The following RAB18 variants were observed in gnomAD, a reference collection of about 807,000 sequenced individuals.
The protein encoded by RAB18 is RAB18, member RAS oncogene family.
Under a neutral mutation model 28.5 loss-of-function variants are expected in RAB18, and 10 were observed. The observed-to-expected ratio is 0.35, with a 90% CI of 0.22 to 0.60. RAB18 has a LOEUF of 0.60. Among genes scored for constraint, RAB18 ranks in the 20% least tolerant of loss-of-function variants. RAB18 has a pLI of 0.78. For synonymous variants in RAB18, 93 were observed against 86.9 expected, an observed-to-expected ratio of 1.07 and a Z score of -0.39; for missense variants, 188 against 244.2, an observed-to-expected ratio of 0.77 and a Z score of 1.53.
chr10:27,535,320 ATTC>A (rs989411032), intron 6 of RAB18, among the ~76,000 whole-genome samples: 29 of 152,242 alleles, frequency 1.9e-4, no homozygotes, highest in African/African-American at 4.3e-4. Flanking sequence ...GCCCAAGACT[ATTC>A]TTCTTCTTCT....
intron 2 of RAB18, among the ~76,000 whole-genome samples, chr10:27,521,368 G>A (rs554608382): frequency 3.9e-5 from 6 of 152,130 alleles, no homozygotes; most frequent in African/African-American, 1.2e-4. Flanking sequence ...TAAAATCTCC[G>A]ACTGTTTATC....
chr10:27,541,149 C>T lies in RAB18; in HGVS notation c.*3098C>T. 2.2e-6 allele frequency: 1 copy of T among 453,766 alleles called. No homozygotes were observed. The highest frequency in any genetic ancestry group is 4.4e-6 in the Non-Finnish European group (1 of 226,734). 28.1% of individuals were successfully genotyped at this position (453,766 alleles called of 1,614,324 possible). A position where few individuals can be genotyped will look rare whatever the true frequency, so the allele number is the denominator to read the frequency against. ...AGTTATTTTGTCTTTCCTGTATTTC[C>T]CTAGTTAAGTATAGGGGTAAAAACG... On this transcript the variant is annotated 3_prime_UTR_variant, in exon 7 of 7. Transcript: ENST00000356940.
In RAB18 at chr10:27,541,803, C is replaced by G. The variant is rs1219191131; in HGVS notation, c.*3752C>G. Reference sequence around the variant, plus strand: ...GTGCTGTGGCTGCCCGATCCAGCACCTACTTCCTTCTCCCACCATACCACC... The same window carrying G: ...GTGCTGTGGCTGCCCGATCCAGCACGTACTTCCTTCTCCCACCATACCACC... On this transcript the variant is annotated 3_prime_UTR_variant, in exon 7 of 7. Coordinates refer to ENST00000356940, the MANE Select transcript of RAB18 (RefSeq NM_021252.5). 1 of 453,304 alleles carries G rather than the reference C, an allele frequency of 2.2e-6. No individual in the cohort carries two copies. The highest frequency in any genetic ancestry group is 7.0e-5 in the East Asian group (1 of 14,340). The allele number at this position is 453,304 out of a possible 1,614,324, so 28.1% of individuals were successfully genotyped here. A position where few individuals can be genotyped will look rare whatever the true frequency, so the allele number is the denominator to read the frequency against.
At chr10:27,523,634 A>G (rs139856761) in intron 2 of RAB18, among the ~76,000 whole-genome samples, 1 of 130,196 alleles carries the variant, frequency 7.7e-6, no homozygotes, top group Non-Finnish European at 1.6e-5. Flanking sequence ...TTTTTTTGAG[A>G]CAGGGTCTTG....
In RAB18 at chr10:27,539,874, C is replaced by CAG. The variant is rs1330107429; in HGVS notation, c.*1824_*1825dup. 2.2e-6 allele frequency: 1 copy of CAG among 453,794 alleles called. No individual in the cohort carries two copies. The highest frequency in any genetic ancestry group is 2.0e-5 in the African/African-American group (1 of 49,964). The allele number at this position is 453,794 out of a possible 1,614,324, so 28.1% of individuals were successfully genotyped here. A position where few individuals can be genotyped will look rare whatever the true frequency, so the allele number is the denominator to read the frequency against. On this transcript the variant is annotated 3_prime_UTR_variant, in exon 7 of 7. Transcript: ENST00000356940. ...ATATACATTTCCCTATTACTCTCAT[C>CAG]AGCTGAAGAATATGTACTATTGTGT...
Position 27,540,145 on chromosome 10 carries a change from C to A in RAB18, c.*2094C>A, listed in dbSNP as rs532011838. ...GAGATTGACCCAAACAAATAAAAAACTATTCAATTTCTGAGTAATAGTTAA... is the reference window on the plus strand; with the variant it reads ...GAGATTGACCCAAACAAATAAAAAAATATTCAATTTCTGAGTAATAGTTAA... On this transcript the variant is annotated 3_prime_UTR_variant, in exon 7 of 7. Coordinates refer to ENST00000356940, the MANE Select transcript of RAB18 (RefSeq NM_021252.5). 32 of 454,018 alleles carry A rather than the reference C, an allele frequency of 7.0e-5. No individual in the cohort carries two copies. The highest frequency in any genetic ancestry group is 4.8e-4 in the South Asian group (31 of 64,468). The allele number at this position is 454,018 out of a possible 1,614,324, so 28.1% of individuals were successfully genotyped here.
intron 3 of RAB18, among the ~76,000 whole-genome samples, chr10:27,527,624 TA>T (rs1834705030): frequency 6.6e-6 from 1 of 151,854 alleles, no homozygotes; most frequent in Admixed American, 6.6e-5. Context: ...TTTATATATC[TA>T]TTTTTCACAT....
chr10:27,521,230 T>C lies in RAB18; in HGVS notation c.125-5598T>C, dbSNP rs1378947169. Among the ~76,000 whole-genome samples, 8 of 152,148 alleles carry C rather than the reference T, an allele frequency of 5.3e-5. No homozygotes were observed. The East Asian group carries it at 1.5e-3, about 29-fold the overall frequency. On this transcript the variant is annotated intron_variant, in intron 2 of 6. Coordinates refer to ENST00000356940, the MANE Select transcript of RAB18 (RefSeq NM_021252.5). ...AACATATGGCCTATCCTGGAGAATG[T>C]TTCATGTATACTTGAAAAAAATTTG... is the stretch of plus-strand genomic sequence containing the variant.
intron 3 of RAB18, among the ~76,000 whole-genome samples, chr10:27,530,319 C>G (rs559384949): frequency 4.4e-4 from 67 of 151,986 alleles, no homozygotes; most frequent in African/African-American, 1.4e-3. Context: ...TCCAAATTCA[C>G]TAATTCACTG....
intron 2 of RAB18, among the ~76,000 whole-genome samples, chr10:27,510,660 G>T (rs1420034973): frequency 6.6e-6 from 1 of 152,202 alleles, no homozygotes; most frequent in Non-Finnish European, 1.5e-5. Context: ...TGAATTACAT[G>T]TAATCTTGAT....
At chr10:27,532,170 A>G (rs1834801619) in intron 3 of RAB18, among the ~76,000 whole-genome samples, 1 of 152,054 alleles carries the variant, frequency 6.6e-6, no homozygotes, top group African/African-American at 2.4e-5. Flanking sequence ...AATTAAGCAG[A>G]AATTTTTTGG....
chr10:27,520,200 G>A (rs189662232), intron 2 of RAB18, among the ~76,000 whole-genome samples: 10 of 152,248 alleles, frequency 6.6e-5, no homozygotes, highest in Non-Finnish European at 1.2e-4. Flanking sequence ...CTATTCATGA[G>A]TAAATTTTGG....
At chr10:27,511,496 G>A (rs931261213) in intron 2 of RAB18, among the ~76,000 whole-genome samples, 4 of 152,090 alleles carry the variant, frequency 2.6e-5, no homozygotes, top group Non-Finnish European at 4.4e-5. Flanking sequence ...GTGAGCCACC[G>A]CGTCGAGCCT....
At chr10:27,535,949 G>A (rs1034964845) in intron 6 of RAB18, among the ~76,000 whole-genome samples, 1 of 152,140 alleles carries the variant, frequency 6.6e-6, no homozygotes, top group Non-Finnish European at 1.5e-5. Context: ...CGGGCGTGGT[G>A]GCGGGTGCCT....
At chr10:27,522,440 G>A (rs1276513535) in intron 2 of RAB18, among the ~76,000 whole-genome samples, 1 of 151,982 alleles carries the variant, frequency 6.6e-6, no homozygotes, top group African/African-American at 2.4e-5. Context: ...ACCTATATTT[G>A]TTTCTAGACC....
intron 4 of RAB18, 91 bp from the exon 5 acceptor site, chr10:27,533,644 C>G: frequency 6.7e-7 from 1 of 1,486,104 alleles, no homozygotes; most frequent in Non-Finnish European, 9.3e-7. Flanking sequence ...GTCTATATTG[C>G]TTAGTAATGC....
intron 2 of RAB18, among the ~76,000 whole-genome samples, chr10:27,513,034 T>TATATATATATATATAGATA (rs200640744): frequency 8.6e-6 from 1 of 116,420 alleles, no homozygotes; most frequent in African/African-American, 3.2e-5. Flanking sequence ...ATATATATAT[T>TATATATATATATATAGATA]TTTTTTTTTT....
intron 3 of RAB18, among the ~76,000 whole-genome samples, chr10:27,527,578 T>TTA (rs56035542): frequency 0.9 from 134,585 of 148,972 alleles, 61,575 homozygotes; most frequent in Non-Finnish European, 0.99. Context: ...ATATGATCGG[T>TTA]TATATATATA....
chr10:27,533,420 C>T (rs1160196185), intron 4 of RAB18, among the ~76,000 whole-genome samples: 1 of 151,420 alleles, frequency 6.6e-6, no homozygotes. Context: ...TTTGGATAGA[C>T]CTCATTCATC....
Sources: allele counts gnomAD v4.1 joint callset (sites outside exome capture counted in the v4.1 genomes callset), GRCh38; gene constraint gnomAD v4.1.1; transcripts MANE v1.5; gene names NCBI Gene and HGNC (gene_info 2026-07-23, HGNC 2026-07-21).